Variants in KCNAB1 observed in about 807,000 individuals in gnomAD.
KCNAB1 encodes voltage-gated potassium channel subunit beta-1.
In KCNAB1, 35 loss-of-function variants were observed where a neutral mutation model predicts 64.6. That is an observed-to-expected ratio of 0.54 (90% CI 0.41 to 0.72). The LOEUF (loss-of-function observed/expected upper bound fraction) is 0.72, where lower values mean the gene tolerates loss of function less well. KCNAB1 is among the 30% of genes least tolerant of loss of function. KCNAB1 has a pLI of 0.00. For synonymous variants in KCNAB1, 177 were observed against 183.8 expected (o/e 0.96, Z 0.30); for missense variants, 401 against 512.9 (o/e 0.78, Z 2.11).
Position 156,165,645 on chromosome 3 carries a change from C to T in KCNAB1, c.275+44759C>T, listed in dbSNP as rs575478219. 4.6e-5 allele frequency among the ~76,000 whole-genome samples: 7 copies of T among 152,336 alleles called. No individual in the cohort carries two copies. In the East Asian group the frequency reaches 1.2e-3, roughly 25 times the overall value. On this transcript the variant is annotated intron_variant, in intron 1 of 13. Transcript: ENST00000490337. ...ATTGATCAACACCTTAATTTGCTTA[C>T]AGATCTTTTATATTACATTTGCCTT...
intron 1 of KCNAB1, among the ~76,000 whole-genome samples, chr3:156,348,191 T>C (rs1235129737): frequency 6.6e-6 from 1 of 152,108 alleles, no homozygotes; most frequent in Non-Finnish European, 1.5e-5. Context: ...TTGGAGGCTA[T>C]GACATTTAAG....
At chr3:156,203,132 A>G (rs1194900759) in intron 1 of KCNAB1, among the ~76,000 whole-genome samples, 1 of 152,228 alleles carries the variant, frequency 6.6e-6, no homozygotes, top group East Asian at 1.9e-4. Context: ...AATTATTCCC[A>G]TCATTTGCTT....
chr3:156,435,714 G>T (rs551638874), intron 2 of KCNAB1, among the ~76,000 whole-genome samples: 5 of 152,206 alleles, frequency 3.3e-5, no homozygotes, highest in Admixed American at 1.3e-4. Context: ...TACAAAATCT[G>T]CAAGAGTGAG....
intron 1 of KCNAB1, among the ~76,000 whole-genome samples, chr3:156,240,043 C>T (rs892218511): frequency 1.3e-5 from 2 of 152,144 alleles, no homozygotes; most frequent in Non-Finnish European, 2.9e-5. Flanking sequence ...TCATTTACAA[C>T]TTAAGTGACT....
chr3:156,284,824 C>A (rs1273073850), intron 1 of KCNAB1, among the ~76,000 whole-genome samples: 1 of 152,238 alleles, frequency 6.6e-6, no homozygotes, highest in Non-Finnish European at 1.5e-5. Flanking sequence ...CCTGCTTCGG[C>A]TCGCGCACGA....
At chr3:156,219,878 C>T (rs1715593783) in intron 1 of KCNAB1, among the ~76,000 whole-genome samples, 1 of 152,036 alleles carries the variant, frequency 6.6e-6, no homozygotes, top group African/African-American at 2.4e-5. Flanking sequence ...GCCCCTAACC[C>T]CCTGACAGGC....
Position 156,121,202 on chromosome 3 carries a change from C to G in KCNAB1, c.275+316C>G, listed in dbSNP as rs542187832. Among the ~76,000 whole-genome samples, 5 of 152,174 alleles carry G rather than the reference C, an allele frequency of 3.3e-5. No individual in the cohort carries two copies. The East Asian group carries it at 9.6e-4, about 29-fold the overall frequency. On this transcript the variant is annotated intron_variant, in intron 1 of 13. Coordinates refer to ENST00000490337, the MANE Select transcript of KCNAB1 (RefSeq NM_172160.3). ...GTTAAGAGATGGTAGGAAAGTGCTCCCTTCCAAAATAACTACAAAAAAGAG... is the reference window on the plus strand; with the variant it reads ...GTTAAGAGATGGTAGGAAAGTGCTCGCTTCCAAAATAACTACAAAAAAGAG...
chr3:156,529,673 C>T (rs981903301), intron 12 of KCNAB1, among the ~76,000 whole-genome samples: 3 of 152,116 alleles, frequency 2.0e-5, no homozygotes, highest in Admixed American at 2.0e-4. Context: ...TTGAAAACCA[C>T]TTGATTAGAG....
At chr3:156,169,228 G>A (rs145830947) in intron 1 of KCNAB1, among the ~76,000 whole-genome samples, 1 of 152,048 alleles carries the variant, frequency 6.6e-6, no homozygotes, top group African/African-American at 2.4e-5. Context: ...AACAAATGAC[G>A]AATAAAGCTC....
chr3:156,226,391 C>T (rs1426773094), intron 1 of KCNAB1, among the ~76,000 whole-genome samples: 1 of 152,094 alleles, frequency 6.6e-6, no homozygotes, highest in African/African-American at 2.4e-5. Context: ...ATCTATCTCT[C>T]ACCTCATACA....
intron 5 of KCNAB1, among the ~76,000 whole-genome samples, chr3:156,461,756 T>C (rs1712928628): frequency 6.6e-6 from 1 of 152,210 alleles, no homozygotes; most frequent in African/African-American, 2.4e-5. Flanking sequence ...CTATTTTATA[T>C]ACCTTTTGTA....
chr3:156,198,046 C>T (rs1190277187), intron 1 of KCNAB1, among the ~76,000 whole-genome samples: 1 of 152,138 alleles, frequency 6.6e-6, no homozygotes, highest in Admixed American at 6.5e-5. Flanking sequence ...TTGTTATTTA[C>T]CCAGTAGTCA....
chr3:156,317,678 A>G (rs1203997954), intron 1 of KCNAB1, among the ~76,000 whole-genome samples: 1 of 152,186 alleles, frequency 6.6e-6, no homozygotes, highest in Non-Finnish European at 1.5e-5. Context: ...AAAAGGCAGA[A>G]GGGAAAAGAA....
chr3:156,238,108 A>G (rs1446824891), intron 1 of KCNAB1, among the ~76,000 whole-genome samples: 1 of 151,970 alleles, frequency 6.6e-6, no homozygotes, highest in Non-Finnish European at 1.5e-5. Flanking sequence ...GGCTGGCCAA[A>G]CAGACAAAGC....
chr3:156,519,055 T>C (rs187436388), intron 11 of KCNAB1, among the ~76,000 whole-genome samples: 1 of 152,320 alleles, frequency 6.6e-6, no homozygotes, highest in Non-Finnish European at 1.5e-5. Context: ...TCCTCCAGAC[T>C]CTATCTTGAC....
intron 1 of KCNAB1, among the ~76,000 whole-genome samples, chr3:156,308,919 A>G (rs945557996): frequency 6.6e-6 from 1 of 152,230 alleles, no homozygotes; most frequent in African/African-American, 2.4e-5. Flanking sequence ...AAAACTAAAA[A>G]AATTGGCACA....
chr3:156,415,020 C>G (rs1167547475), intron 1 of KCNAB1, among the ~76,000 whole-genome samples: 1 of 152,212 alleles, frequency 6.6e-6, no homozygotes, highest in Admixed American at 6.5e-5. Context: ...CTGATTCCCA[C>G]TTTTTCTAGT....
Position 156,515,233 on chromosome 3 carries a change from A to G in KCNAB1, c.865+13A>G. ...TACCACAAAATAGGTAATCTTCAAA[A>G]TAAAAGCTACTGAGTATTTTTAACA... is the stretch of plus-strand genomic sequence containing the variant. On this transcript the variant is annotated intron_variant, in intron 10 of 13. Transcript: ENST00000490337. The G allele has an allele frequency of 6.3e-7, 1 of 1,599,014 alleles. No individual in the cohort carries two copies. Among genetic ancestry groups the G allele is most frequent in the South Asian group, 1.1e-5 (1 of 87,644 alleles).
intron 1 of KCNAB1, among the ~76,000 whole-genome samples, chr3:156,240,272 T>G (rs1267066877): frequency 6.6e-6 from 1 of 152,216 alleles, no homozygotes; most frequent in African/African-American, 2.4e-5. Context: ...TTTTTAAATT[T>G]TCTTGCCCTC....
Sources: allele counts gnomAD v4.1 joint callset (sites outside exome capture counted in the v4.1 genomes callset), GRCh38; gene constraint gnomAD v4.1.1; transcripts MANE v1.5; gene names NCBI Gene and HGNC (gene_info 2026-07-23, HGNC 2026-07-21).